The following EXD1 variants were observed in gnomAD, a reference collection of about 807,000 sequenced individuals.
EXD1 encodes exonuclease 3'-5' domain containing 1.
A neutral mutation model predicts 49.1 loss-of-function variants in EXD1; 63 were observed. That is an observed-to-expected ratio of 1.28 (90% CI 1.05 to 1.58). The LOEUF (loss-of-function observed/expected upper bound fraction) is 1.58, where lower values mean the gene tolerates loss of function less well. Among genes scored for constraint, EXD1 ranks in the 40% most tolerant of loss-of-function variants. The pLI, the probability that EXD1 is intolerant of heterozygous loss-of-function variation, is 0.00. For missense variants in EXD1, 748 were observed against 666.0 expected (o/e 1.12, Z -1.36); for synonymous variants, 234 against 239.2 (o/e 0.98, Z 0.20).
chr15:41,226,404 C>G (rs34930699), intron 2 of EXD1, 39 bp downstream of exon 2: 1 of 1,524,172 alleles, frequency 6.6e-7, no homozygotes, highest in Non-Finnish European at 8.8e-7. Flanking sequence ...AATCACTAAT[C>G]TCTTAAAAGG....
intron 1 of EXD1, among the ~76,000 whole-genome samples, chr15:41,228,759 C>T (rs932144338): frequency 2.6e-5 from 4 of 151,914 alleles, no homozygotes; most frequent in Non-Finnish European, 4.4e-5. Context: ...AGTGCAGTAC[C>T]GCTATCTTGG....
At position 41,182,966 on chromosome 15, in the gene EXD1, A is replaced by T. The variant is rs1019813229; in HGVS notation, c.*965T>A. 2 of 152,190 alleles carry T rather than the reference A, an allele frequency of 1.3e-5. No individual in the cohort carries two copies. The highest frequency in any genetic ancestry group is 4.8e-5 in the African/African-American group (2 of 41,456). The allele number at this position is 152,190 out of a possible 1,614,324, so 9.4% of individuals were successfully genotyped here. A position where few individuals can be genotyped will look rare whatever the true frequency, so the allele number is the denominator to read the frequency against. On this transcript the variant is annotated 3_prime_UTR_variant, in exon 12 of 12. Coordinates refer to ENST00000458580, the MANE Select transcript of EXD1 (RefSeq NM_001286441.2). ...GTTAGGAAAATGGACAAAACCAGCT[A>T]AAAATAAAGGAAATAAAAACAAATT...
Position 41,230,557 on chromosome 15 carries a change from T to A in EXD1, c.-132A>T, listed in dbSNP as rs1433155536. On this transcript the variant is annotated 5_prime_UTR_variant, in exon 1 of 12. Coordinates refer to ENST00000458580, the MANE Select transcript of EXD1 (RefSeq NM_001286441.2). ...AGTTTGGGAAATCTGGATCCTAATT[T>A]CAGCCAAGTGGTGCGTTCCTCGAAC... is the stretch of plus-strand genomic sequence containing the variant. The A allele has an allele frequency of 3.7e-6, 6 of 1,614,060 alleles. No homozygotes were observed. Among genetic ancestry groups the A allele is most frequent in the Non-Finnish European group, 5.1e-6 (6 of 1,179,942 alleles).
At position 41,183,538 on chromosome 15, in the gene EXD1, A is replaced by C. The variant is rs568112144; in HGVS notation, c.*393T>G. On this transcript the variant is annotated 3_prime_UTR_variant, in exon 12 of 12. Transcript: ENST00000458580. ...TTATCAGGTACCAATTTTTTAAATGAATTGTTAATAGTTTTACCAGGTCTC... is the reference window on the plus strand; with the variant it reads ...TTATCAGGTACCAATTTTTTAAATGCATTGTTAATAGTTTTACCAGGTCTC... The C allele has an allele frequency of 6.3e-6, 1 of 159,114 alleles. No individual in the cohort carries two copies. The highest frequency in any genetic ancestry group is 2.4e-5 in the African/African-American group (1 of 41,878). The allele number at this position is 159,114 out of a possible 1,614,324, so 9.9% of individuals were successfully genotyped here.
At chr15:41,190,171 T>G (rs1443325197) in intron 10 of EXD1, 43 bp from the exon 11 acceptor site, 1 of 1,604,454 alleles carries the variant, frequency 6.2e-7, no homozygotes, top group Admixed American at 1.7e-5. Flanking sequence ...TAAGCAAGAC[T>G]TTAAAGAAAA....
intron 11 of EXD1, among the ~76,000 whole-genome samples, chr15:41,188,170 TCTA>T (rs2046445499): frequency 6.6e-6 from 1 of 152,068 alleles, no homozygotes; most frequent in Non-Finnish European, 1.5e-5. Flanking sequence ...ATATACTACT[TCTA>T]CTACTTTTTT....
chr15:41,227,472 C>G (rs751614254), intron 1 of EXD1, among the ~76,000 whole-genome samples: 7 of 152,060 alleles, frequency 4.6e-5, no homozygotes, highest in Admixed American at 4.6e-4. Context: ...GAGTTCCAGA[C>G]CAGCCTGACC....
At chr15:41,204,537 C>T (rs899989357) in intron 7 of EXD1, among the ~76,000 whole-genome samples, 3 of 151,854 alleles carry the variant, frequency 2.0e-5, no homozygotes, top group African/African-American at 7.3e-5. Flanking sequence ...GGCAACAGAG[C>T]AAGATTCCAT....
At chr15:41,224,744 C>G (rs967594221) in intron 2 of EXD1, among the ~76,000 whole-genome samples, 1 of 151,998 alleles carries the variant, frequency 6.6e-6, no homozygotes, top group Non-Finnish European at 1.5e-5. Flanking sequence ...CACTTAAGCC[C>G]TGGAATTTAA....
chr15:41,210,377 C>T (rs1344356728), intron 6 of EXD1, among the ~76,000 whole-genome samples: 3 of 152,296 alleles, frequency 2.0e-5, no homozygotes, highest in East Asian at 1.9e-4. Flanking sequence ...CTTAAAGCCT[C>T]GGATTCACTG....
intron 7 of EXD1, among the ~76,000 whole-genome samples, chr15:41,199,267 A>G (rs115238697): frequency 3.4e-4 from 51 of 151,878 alleles, no homozygotes; most frequent in African/African-American, 1.2e-3. Flanking sequence ...TTTTTTTTTA[A>G]TATGGAGATG....
At chr15:41,189,808 C>T in intron 11 of EXD1, 129 bp downstream of exon 11, 1 of 833,638 alleles carries the variant, frequency 1.2e-6, no homozygotes, top group South Asian at 1.7e-5. Context: ...AAGCTGTTGC[C>T]CCTTCAAGAG....
intron 6 of EXD1, among the ~76,000 whole-genome samples, chr15:41,212,837 G>C (rs187917853): frequency 4.6e-5 from 7 of 152,230 alleles, no homozygotes; most frequent in Admixed American, 2.6e-4. Flanking sequence ...CCAGTAGTTT[G>C]AGACCAGCTT....
chr15:41,213,749 AGTGATGGATAAGGGGT>A (rs1296437871), intron 6 of EXD1, among the ~76,000 whole-genome samples: 4 of 152,050 alleles, frequency 2.6e-5, no homozygotes, highest in Non-Finnish European at 5.9e-5. Context: ...AGTGATTAGG[AGTGATGGATAAGGGGT>A]GTGGGGTTTC....
intron 9 of EXD1, chr15:41,192,373 T>G (rs1373248484): frequency 2.0e-5 from 3 of 152,184 alleles, no homozygotes; most frequent in Non-Finnish European, 2.9e-5. Flanking sequence ...CTTGGCTCAT[T>G]GCAACCTCCA....
chr15:41,191,658 TAG>T, intron 9 of EXD1, 73 bp from the exon 10 acceptor site: 1 of 1,396,582 alleles, frequency 7.2e-7, no homozygotes, highest in Non-Finnish European at 9.8e-7. Flanking sequence ...GAAATATATT[TAG>T]AGAAATGTCT....
At chr15:41,215,895 A>G in intron 5 of EXD1, 62 bp from the exon 6 acceptor site, 5 of 1,577,934 alleles carry the variant, frequency 3.2e-6, no homozygotes, top group Non-Finnish European at 3.5e-6. Flanking sequence ...AGCTTTCTCA[A>G]TAATTTTGGC....
chr15:41,219,237 G>T (rs541549753), intron 3 of EXD1, among the ~76,000 whole-genome samples: 2 of 152,136 alleles, frequency 1.3e-5, no homozygotes, highest in African/African-American at 4.8e-5. Flanking sequence ...TAAAGAATAA[G>T]GCTGCTTCCT....
chr15:41,192,163 A>G (rs1266512619), intron 9 of EXD1: 2 of 153,462 alleles, frequency 1.3e-5, no homozygotes, highest in African/African-American at 4.8e-5. Context: ...CAGGCACCCA[A>G]TCAGCACAGC....
Sources: allele counts gnomAD v4.1 joint callset (sites outside exome capture counted in the v4.1 genomes callset), GRCh38; gene constraint gnomAD v4.1.1; transcripts MANE v1.5; gene names NCBI Gene and HGNC (gene_info 2026-07-23, HGNC 2026-07-21).